Variants in LCLAT1 observed in about 807,000 individuals in gnomAD.
The protein encoded by LCLAT1 is 1-AGP acyltransferase 8.
LCLAT1 carries 11 observed loss-of-function variants against 30.7 expected under a neutral mutation model. The ratio of observed to expected loss-of-function variants is 0.36; its 90% CI spans 0.23 to 0.59. LCLAT1 has a LOEUF of 0.59. Among genes scored for constraint, LCLAT1 ranks in the 20% least tolerant of loss-of-function variants. The pLI is 0.77. For missense variants in LCLAT1, 402 were observed against 458.6 expected (o/e 0.88, Z 1.13); for synonymous variants, 155 against 151.3 (o/e 1.02, Z -0.18).
intron 3 of LCLAT1, among the ~76,000 whole-genome samples, chr2:30,543,381 G>C (rs1345000787): frequency 2.0e-5 from 3 of 152,074 alleles, no homozygotes; most frequent in East Asian, 1.9e-4. Context: ...TTTTGTATCT[G>C]TGTTCAATAA....
At chr2:30,585,002 T>G in intron 5 of LCLAT1, among the ~76,000 whole-genome samples, 1 of 145,222 alleles carries the variant, frequency 6.9e-6, no homozygotes, top group African/African-American at 2.6e-5. Context: ...TGAGTAGAGG[T>G]AAGGTTTTAT....
chr2:30,472,630 A>G (rs1435190079), intron 1 of LCLAT1, among the ~76,000 whole-genome samples: 1 of 152,210 alleles, frequency 6.6e-6, no homozygotes, highest in African/African-American at 2.4e-5. Flanking sequence ...TTTTGTAGTC[A>G]TTTTAATGAC....
At chr2:30,582,191 C>G (rs755701083) in intron 5 of LCLAT1, among the ~76,000 whole-genome samples, 9 of 151,626 alleles carry the variant, frequency 5.9e-5, no homozygotes, top group Non-Finnish European at 1.3e-4. Flanking sequence ...CCCTTTCCCC[C>G]TCTCCTCACC....
intron 1 of LCLAT1, among the ~76,000 whole-genome samples, chr2:30,486,521 G>A (rs1324643705): frequency 6.6e-6 from 1 of 152,100 alleles, no homozygotes; most frequent in African/African-American, 2.4e-5. Flanking sequence ...CCAGTGTACT[G>A]TTACTTAGCT....
chr2:30,474,457 A>C (rs768834870), intron 1 of LCLAT1, among the ~76,000 whole-genome samples: 3 of 152,142 alleles, frequency 2.0e-5, no homozygotes, highest in Non-Finnish European at 4.4e-5. Flanking sequence ...GGGACTTGCT[A>C]TGTTGCCCAA....
chr2:30,616,602 C>G (rs1668002761), intron 5 of LCLAT1, among the ~76,000 whole-genome samples: 1 of 151,918 alleles, frequency 6.6e-6, no homozygotes, highest in Admixed American at 6.6e-5. Context: ...TTTTTCCTTT[C>G]TAGATAGTAG....
chr2:30,619,111 G>A (rs578127475), intron 5 of LCLAT1, among the ~76,000 whole-genome samples: 30 of 152,244 alleles, frequency 2.0e-4, no homozygotes, highest in Middle Eastern at 3.4e-3. Flanking sequence ...ATCTTCCTAC[G>A]TAATCCCTGG....
chr2:30,452,292 A>G (rs1315950101), intron 1 of LCLAT1, among the ~76,000 whole-genome samples: 2 of 152,236 alleles, frequency 1.3e-5, no homozygotes. Flanking sequence ...TTTAAATGAG[A>G]AAAAACAGCA....
At chr2:30,548,236 T>A (rs1300726995) in intron 3 of LCLAT1, among the ~76,000 whole-genome samples, 2 of 152,052 alleles carry the variant, frequency 1.3e-5, no homozygotes, top group Non-Finnish European at 2.9e-5. Flanking sequence ...TGTAAAATAT[T>A]TGAAGAGATT....
intron 1 of LCLAT1, among the ~76,000 whole-genome samples, chr2:30,488,014 C>G (rs1683644884): frequency 6.6e-6 from 1 of 152,186 alleles, no homozygotes; most frequent in African/African-American, 2.4e-5. Context: ...GAGTTGTACA[C>G]TTTTAAATGT....
chr2:30,515,569 A>T (rs1441067584), intron 1 of LCLAT1, among the ~76,000 whole-genome samples: 1 of 152,232 alleles, frequency 6.6e-6, no homozygotes, highest in East Asian at 1.9e-4. Flanking sequence ...CTGAAAGGAA[A>T]GTGGTCATTT....
At chr2:30,506,707 G>A (rs186692761) in intron 1 of LCLAT1, among the ~76,000 whole-genome samples, 1 of 152,202 alleles carries the variant, frequency 6.6e-6, no homozygotes, top group East Asian at 1.9e-4. Flanking sequence ...GACAGTTTAT[G>A]TTACTAAGTT....
chr2:30,524,310 G>A lies in LCLAT1; in HGVS notation c.-4-1277G>A, dbSNP rs550705570. Among the ~76,000 whole-genome samples, 6 of 152,258 alleles carry A rather than the reference G, an allele frequency of 3.9e-5. No homozygotes were observed. In the South Asian group the frequency reaches 1.2e-3, roughly 32 times the overall value. ...TCTACTTAATCCTTCAACTCATAAA[G>A]AGTCAATTAAAGACCAAGTACCCAA... On this transcript the variant is annotated intron_variant, in intron 1 of 5. Coordinates refer to ENST00000379509, the MANE Select transcript of LCLAT1 (RefSeq NM_001002257.3).
At chr2:30,531,297 C>A (rs1685972375) in intron 2 of LCLAT1, among the ~76,000 whole-genome samples, 1 of 151,906 alleles carries the variant, frequency 6.6e-6, no homozygotes, top group East Asian at 1.9e-4. Flanking sequence ...ACATTTTTTG[C>A]TGTGGATCCA....
intron 5 of LCLAT1, among the ~76,000 whole-genome samples, chr2:30,590,485 T>C (rs1360562796): frequency 1.3e-5 from 2 of 149,588 alleles, no homozygotes; most frequent in Non-Finnish European, 3.0e-5. Flanking sequence ...TAAACCTATT[T>C]ATTACCCATT....
chr2:30,612,469 C>T (rs368630506), intron 5 of LCLAT1, among the ~76,000 whole-genome samples: 5 of 152,134 alleles, frequency 3.3e-5, no homozygotes, highest in African/African-American at 7.2e-5. Context: ...GTGCTGTTGA[C>T]CTACTGTTAA....
intron 5 of LCLAT1, 26 bp from the exon 6 acceptor site, chr2:30,640,091 T>C (rs535209930): frequency 1.3e-5 from 21 of 1,581,740 alleles, no homozygotes; most frequent in Non-Finnish European, 1.7e-5. Context: ...CTGCTTAATC[T>C]ATGTTTTCAT....
intron 3 of LCLAT1, among the ~76,000 whole-genome samples, chr2:30,533,681 A>T (rs1293690833): frequency 6.6e-6 from 1 of 152,240 alleles, no homozygotes; most frequent in Non-Finnish European, 1.5e-5. Context: ...TGATTCATTC[A>T]TATTCATGTA....
intron 5 of LCLAT1, among the ~76,000 whole-genome samples, chr2:30,605,092 T>G (rs1352672738): frequency 1.3e-5 from 2 of 152,236 alleles, no homozygotes; most frequent in Non-Finnish European, 2.9e-5. Context: ...GTACAGTAAC[T>G]TCCCACCAGT....
Sources: gnomAD v4.1 joint callset for allele counts (sites outside exome capture counted in the v4.1 genomes callset) on GRCh38, gnomAD v4.1.1 for gene constraint, MANE v1.5 for transcripts, NCBI Gene and HGNC (gene_info 2026-07-23, HGNC 2026-07-21) for gene names.